TSFM: variants seen among roughly 807,000 people sequenced by gnomAD.
TSFM encodes the protein Ts translation elongation factor, mitochondrial, also known as elongation factor Ts, mitochondrial.
In TSFM, 29 loss-of-function variants were observed where a neutral mutation model predicts 33.4. That is an observed-to-expected ratio of 0.87 (90% CI 0.65 to 1.18). The LOEUF is 1.18. Ranked by LOEUF, TSFM falls within the 50% of genes most tolerant of loss-of-function variation. The pLI, the probability that TSFM is intolerant of heterozygous loss-of-function variation, is 0.00. For missense variants in TSFM, 394 were observed against 395.6 expected (o/e 1.00, Z 0.04); for synonymous variants, 178 against 163.5 (o/e 1.09, Z -0.68).
At chr12:57,795,223 C>T (rs1053518331) in intron 5 of TSFM, among the ~76,000 whole-genome samples, 2 of 150,782 alleles carry the variant, frequency 1.3e-5, no homozygotes, top group African/African-American at 2.4e-5. Flanking sequence ...CTCAGCCTCC[C>T]GAGTAGCTGG....
At chr12:57,783,820 C>G in intron 2 of TSFM, 2 of 621,186 alleles carry the variant, frequency 3.2e-6, no homozygotes, top group Non-Finnish European at 5.7e-6. Context: ...TTCGCCGTGT[C>G]GGCCAGGCTG....
chr12:57,801,191 A>C (rs1955840800), downstream of TSFM: 1 of 1,613,524 alleles, frequency 6.2e-7, no homozygotes, highest in Non-Finnish European at 8.5e-7. Flanking sequence ...TCTTCTTTTA[A>C]TTGTTCATAT....
At chr12:57,786,953 A>G in intron 3 of TSFM, 87 bp from the exon 4 acceptor site, 1 of 1,411,102 alleles carries the variant, frequency 7.1e-7, no homozygotes, top group East Asian at 2.3e-5. Flanking sequence ...TTGTTCTATC[A>G]GTATCTTGAT....
At chr12:57,797,971 C>G (rs953827530), downstream of TSFM, 2 of 1,612,684 alleles carry the variant, frequency 1.2e-6, no homozygotes, top group Admixed American at 3.3e-5. Flanking sequence ...AACACAGACA[C>G]AAAGTCCTGT....
rs1248908395 is a variant in TSFM, at chr12:57,796,913, AC to A, written c.*331del. On this transcript the variant is annotated 3_prime_UTR_variant, in exon 6 of 6. Coordinates refer to ENST00000652027, the MANE Select transcript of TSFM (RefSeq NM_005726.6). ...TGTCTTACACCTTTTATGACATAGA[AC>A]TCTTTTGTTCTGTTTTTGCTTTGCG... 17 of 1,007,116 alleles carry A rather than the reference AC, an allele frequency of 1.7e-5. No individual in the cohort carries two copies. Among genetic ancestry groups the A allele is most frequent in the Non-Finnish European group, 1.9e-5 (16 of 845,232 alleles). 62.4% of individuals were successfully genotyped at this position (1,007,116 alleles called of 1,614,324 possible).
At chr12:57,783,078 C>T in intron 1 of TSFM, 32 bp from the exon 2 acceptor site, 1 of 1,588,880 alleles carries the variant, frequency 6.3e-7, no homozygotes, top group Non-Finnish European at 8.5e-7. Flanking sequence ...TTTGCTGCTT[C>T]CTGCTCCTCA....
At chr12:57,795,578 T>C (rs1955723713) in intron 5 of TSFM, among the ~76,000 whole-genome samples, 1 of 152,166 alleles carries the variant, frequency 6.6e-6, no homozygotes. Context: ...GAGTCACACA[T>C]ACTTGTGTCA....
At chr12:57,798,941 A>G (rs900934626), downstream of TSFM, among the ~76,000 whole-genome samples, 1 of 152,152 alleles carries the variant, frequency 6.6e-6, no homozygotes, top group Non-Finnish European at 1.5e-5. Context: ...TAACTCAAAT[A>G]TGTTAATTCA....
intron 5 of TSFM, among the ~76,000 whole-genome samples, chr12:57,795,891 C>T (rs1292588117): frequency 6.6e-6 from 1 of 152,192 alleles, no homozygotes; most frequent in Non-Finnish European, 1.5e-5. Flanking sequence ...GCTGGGATTA[C>T]AGACGTGAGC....
rs1955739555 is a variant in TSFM at position 57,796,393 on chromosome 12, T to C, written c.788T>C (p.Met263Thr). ...GRRLGQHVVGMAPLSVGSLDD... is the reference protein window; with the variant it reads ...GRRLGQHVVGTAPLSVGSLDD... ...CGCCTTGGGCAGCATGTGGTGGGCA[T>C]GGCCCCCCTCTCTGTTGGCTCCCTG... is the stretch of plus-strand genomic sequence containing the variant. Residue 263 changes from methionine (M) to threonine (T), a missense_variant, in exon 6 of 6, where the codon ATG becomes ACG. By Grantham distance (81) the Met-to-Thr change is moderately conservative (BLOSUM62 -1). Around this residue, in one of 3 missense-constraint regions of TSFM, gnomAD observed 186 missense variants for 198.8 expected, o/e 0.94. Coordinates refer to ENST00000652027, the MANE Select transcript of TSFM (RefSeq NM_005726.6). 1 of 1,602,654 alleles carries C rather than the reference T, an allele frequency of 6.2e-7. No homozygotes were observed. Among genetic ancestry groups the C allele is most frequent in the Non-Finnish European group, 8.5e-7 (1 of 1,174,518 alleles).
At chr12:57,802,849 C>G, downstream of TSFM, 1 of 558,726 alleles carries the variant, frequency 1.8e-6, no homozygotes, top group Non-Finnish European at 3.1e-6. Context: ...TCCATCCCTA[C>G]TCCACTGCCC....
At chr12:57,790,578 C>T (rs1955649502) in intron 4 of TSFM, among the ~76,000 whole-genome samples, 1 of 152,144 alleles carries the variant, frequency 6.6e-6, no homozygotes, top group African/African-American at 2.4e-5. Flanking sequence ...AATAACAAAA[C>T]TACTAAGGAG....
At chr12:57,786,509 A>G (rs968975519) in intron 3 of TSFM, among the ~76,000 whole-genome samples, 15 of 152,252 alleles carry the variant, frequency 9.9e-5, no homozygotes, top group Admixed American at 9.8e-4. Flanking sequence ...ACAGTCTAGA[A>G]TATTACTCCT....
chr12:57,795,050 C>T (rs1204344849), intron 5 of TSFM, among the ~76,000 whole-genome samples: 1 of 148,950 alleles, frequency 6.7e-6, no homozygotes, highest in African/African-American at 2.5e-5. Flanking sequence ...TGAGCCACCG[C>T]ACCCAGCCCT....
intron 2 of TSFM, chr12:57,783,576 C>G (rs765403638): frequency 1.6e-5 from 10 of 636,322 alleles, no homozygotes; most frequent in South Asian, 1.4e-4. Context: ...TGTGGGGCCC[C>G]CACACTGTCT....
chr12:57,787,737 T>C (rs1955608428), intron 4 of TSFM, among the ~76,000 whole-genome samples: 1 of 152,180 alleles, frequency 6.6e-6, no homozygotes, highest in Non-Finnish European at 1.5e-5. Flanking sequence ...AAGACCAGCC[T>C]GACCAACATG....
At chr12:57,788,278 T>A (rs896545669) in intron 4 of TSFM, among the ~76,000 whole-genome samples, 29 of 151,738 alleles carry the variant, frequency 1.9e-4, no homozygotes, top group African/African-American at 6.8e-4. Context: ...TTTTTTTTTT[T>A]ATTTTTGTTT....
chr12:57,796,322 C>T lies in TSFM; in HGVS notation c.717C>T (p.Ile239=), dbSNP rs1401562100. The change falls in exon 6 of 6, where the codon ATC becomes ATT. Residue 239 remains isoleucine, a synonymous_variant. Transcript: ENST00000652027. ...TGGGGAAGTATGGGGCCCTGGTCATCTGTGAGACGTCTGAACAGAAAACAA... is the reference window on the plus strand; with the variant it reads ...TGGGGAAGTATGGGGCCCTGGTCATTTGTGAGACGTCTGAACAGAAAACAA... ...LVLGKYGALV[I]CETSEQKTNL... is the part of the protein sequence containing the mutation. The T allele has an allele frequency of 6.2e-7, 1 of 1,610,800 alleles. No homozygotes were observed. Among genetic ancestry groups the T allele is most frequent in the South Asian group, 1.1e-5 (1 of 90,522 alleles).
chr12:57,783,516 G>A (rs1024049455), intron 2 of TSFM: 2 of 691,526 alleles, frequency 2.9e-6, no homozygotes, highest in Non-Finnish European at 5.4e-6. Context: ...GTTGCCTGGA[G>A]CTGAAAGGGT....
Sources: allele counts gnomAD v4.1 joint callset (sites outside exome capture counted in the v4.1 genomes callset), GRCh38; gene constraint gnomAD v4.1.1; regional missense constraint gnomAD v4.1.1; transcripts MANE v1.5; gene names NCBI Gene and HGNC (gene_info 2026-07-23, HGNC 2026-07-21).